Variants in BTBD9 observed in about 807,000 individuals in gnomAD.
BTBD9 encodes the protein BTB domain containing 9.
BTBD9 carries 49 observed loss-of-function variants against 64.3 expected under a neutral mutation model. The observed-to-expected ratio is 0.76, with a 90% CI of 0.61 to 0.97. BTBD9 has a LOEUF of 0.97. Ranked by LOEUF, BTBD9 falls within the 50% of genes least tolerant of loss-of-function variation. BTBD9 has a pLI of 0.00. For missense variants in BTBD9, 598 were observed against 762.1 expected, an observed-to-expected ratio of 0.78 and a Z score of 2.53; for synonymous variants, 260 against 274.7, an observed-to-expected ratio of 0.95 and a Z score of 0.53.
intron 6 of BTBD9, among the ~76,000 whole-genome samples, chr6:38,468,356 C>T (rs546806244): frequency 1.3e-5 from 2 of 152,292 alleles, no homozygotes; most frequent in Admixed American, 1.3e-4. Flanking sequence ...TCGCACACAC[C>T]TTATATTGCA....
At chr6:38,454,064 C>T (rs1415754883) in intron 6 of BTBD9, among the ~76,000 whole-genome samples, 1 of 152,150 alleles carries the variant, frequency 6.6e-6, no homozygotes, top group Non-Finnish European at 1.5e-5. Context: ...TGATTAATGA[C>T]TCTGATGTAC....
At chr6:38,464,972 G>C (rs1770278441) in intron 6 of BTBD9, among the ~76,000 whole-genome samples, 2 of 152,134 alleles carry the variant, frequency 1.3e-5, no homozygotes, top group Admixed American at 1.3e-4. Flanking sequence ...AGCCATCTGA[G>C]CCTGGTGTTT....
chr6:38,215,149 C>T (rs553235008), intron 9 of BTBD9, among the ~76,000 whole-genome samples: 112 of 152,262 alleles, frequency 7.4e-4, no homozygotes, highest in African/African-American at 2.6e-3. Flanking sequence ...TCAGATGGAT[C>T]AGCTATTAAT....
chr6:38,328,564 C>CGTGTGTGTGTGTGTGTGTGTGTGT lies in BTBD9; in HGVS notation c.1264+16396_1264+16419dup, dbSNP rs201357884. Among the ~76,000 whole-genome samples the CGTGTGTGTGTGTGTGTGTGTGTGT allele has an allele frequency of 9.8e-4, 128 of 130,496 alleles. 1 individual carries two copies. Among genetic ancestry groups the CGTGTGTGTGTGTGTGTGTGTGTGT allele is most frequent in the East Asian group, 3.9e-3 (15 of 3,798 alleles). 85.6% of individuals were successfully genotyped at this position (130,496 alleles called of 152,430 possible). A position where few individuals can be genotyped will look rare whatever the true frequency, so the allele number is the denominator to read the frequency against. On this transcript the variant is annotated intron_variant, in intron 7 of 10. Coordinates refer to ENST00000481247, the MANE Select transcript of BTBD9 (RefSeq NM_001099272.2). ...AATATATTTCGGCCATTTAAGCCAC[C>CGTGTGTGTGTGTGTGTGTGTGTGT]GTGTGTGTGTGTGTGTGTGTGTGTG...
At chr6:38,374,288 T>TATATATAC (rs1554143530) in intron 6 of BTBD9, among the ~76,000 whole-genome samples, 5 of 69,282 alleles carry the variant, frequency 7.2e-5, no homozygotes, top group Non-Finnish European at 1.2e-4. Flanking sequence ...AAAAAGTATA[T>TATATATAC]ATATATATGT....
At chr6:38,564,628 C>T (rs773730921) in intron 6 of BTBD9, among the ~76,000 whole-genome samples, 8 of 152,100 alleles carry the variant, frequency 5.3e-5, no homozygotes, top group Non-Finnish European at 1.0e-4. Flanking sequence ...GTGACTCACG[C>T]CTGTAATCCC....
chr6:38,636,188 C>A (rs1459702067), intron 1 of BTBD9, among the ~76,000 whole-genome samples: 1 of 152,160 alleles, frequency 6.6e-6, no homozygotes, highest in East Asian at 1.9e-4. Context: ...AAATAACTTG[C>A]CAAAGGTCAG....
At chr6:38,214,357 T>A (rs1270506303) in intron 9 of BTBD9, among the ~76,000 whole-genome samples, 2 of 152,274 alleles carry the variant, frequency 1.3e-5, no homozygotes, top group African/African-American at 4.8e-5. Context: ...TAGCAAGGAC[T>A]GACCTAGCCC....
rs1327954136 is a variant in BTBD9, at chr6:38,256,422, T to C, written c.1549A>G (p.Lys517Glu). The C allele has an allele frequency of 6.2e-7, 1 of 1,612,732 alleles. No homozygotes were observed. Among genetic ancestry groups the C allele is most frequent in the Non-Finnish European group, 8.5e-7 (1 of 1,178,746 alleles). Reference sequence around the variant, plus strand: ...GACACAACTTACTTGCAGGAGACTTTAGTTCTGTCAGCAACCATGGTCCAC... The same window carrying C: ...GACACAACTTACTTGCAGGAGACTTCAGTTCTGTCAGCAACCATGGTCCAC... ...QQWTMVADRT[K>E]VSCKSWQSVT... Residue 517 changes from lysine to glutamate, a missense_variant, in exon 9 of 11, where the codon AAA becomes GAA. Coordinates refer to ENST00000481247, the MANE Select transcript of BTBD9 (RefSeq NM_001099272.2).
At chr6:38,287,444 C>T (rs969967998) in intron 8 of BTBD9, among the ~76,000 whole-genome samples, 1 of 151,302 alleles carries the variant, frequency 6.6e-6, no homozygotes, top group Admixed American at 6.6e-5. Flanking sequence ...CGTGCCCAGG[C>T]ACCATTTTTT....
chr6:38,174,615 G>T lies in BTBD9; in HGVS notation c.*370C>A. 1 of 225,676 alleles carries T rather than the reference G, an allele frequency of 4.4e-6. No homozygotes were observed. The highest frequency in any genetic ancestry group is 8.6e-6 in the Non-Finnish European group (1 of 116,122). 14.0% of individuals were successfully genotyped at this position (225,676 alleles called of 1,614,324 possible). A position where few individuals can be genotyped will look rare whatever the true frequency, so the allele number is the denominator to read the frequency against. On this transcript the variant is annotated 3_prime_UTR_variant, in exon 11 of 11. Transcript: ENST00000481247. ...TGCCTCCAGGTAGCAAAGGCCCAATGGCTTTCTCCTCCGCCTGAGTGTTTG... is the reference window on the plus strand; with the variant it reads ...TGCCTCCAGGTAGCAAAGGCCCAATTGCTTTCTCCTCCGCCTGAGTGTTTG...
At chr6:38,565,236 CAG>C (rs1457330399) in intron 6 of BTBD9, among the ~76,000 whole-genome samples, 1 of 152,206 alleles carries the variant, frequency 6.6e-6, no homozygotes, top group East Asian at 1.9e-4. Context: ...TTTTCCTAAA[CAG>C]AGTTTCTCAA....
At chr6:38,444,340 C>T (rs1164668543) in intron 6 of BTBD9, among the ~76,000 whole-genome samples, 1 of 152,192 alleles carries the variant, frequency 6.6e-6, no homozygotes, top group Non-Finnish European at 1.5e-5. Context: ...TGTGAATTTA[C>T]TCCAGAATCA....
intron 4 of BTBD9, among the ~76,000 whole-genome samples, 197 bp downstream of exon 4, chr6:38,592,379 G>A (rs186571680): frequency 6.6e-6 from 1 of 152,084 alleles, no homozygotes; most frequent in East Asian, 1.9e-4. Context: ...CCTATTTGGG[G>A]GTCTACAAAA....
At position 38,256,493 on chromosome 6, in the gene BTBD9, T is replaced by G; in HGVS notation, c.1478A>C (p.Asp493Ala). The change falls in exon 9 of 11, where the codon GAT (aspartate) becomes GCT (alanine). Residue 493 changes from aspartate to alanine, a missense_variant. Coordinates refer to ENST00000481247, the MANE Select transcript of BTBD9 (RefSeq NM_001099272.2). ...CTCAACGTAGTAGCTATAGCTTCGATCATCACAATCCCAAAGTAGTAACCT... is the reference window on the plus strand; with the variant it reads ...CTCAACGTAGTAGCTATAGCTTCGAGCATCACAATCCCAAAGTAGTAACCT... ...SIRLLLWDCD[D>A]RSYSYYVEVS... 4.3e-6 allele frequency: 7 copies of G among 1,613,622 alleles called. No individual in the cohort carries two copies. Among genetic ancestry groups the G allele is most frequent in the Non-Finnish European group, 5.9e-6 (7 of 1,179,558 alleles).
chr6:38,395,602 G>A (rs890759895), intron 6 of BTBD9, among the ~76,000 whole-genome samples: 1 of 152,054 alleles, frequency 6.6e-6, no homozygotes, highest in Non-Finnish European at 1.5e-5. Flanking sequence ...CCAGTTAATA[G>A]TATTTGTTAG....
intron 6 of BTBD9, among the ~76,000 whole-genome samples, chr6:38,564,875 G>A (rs957714142): frequency 6.6e-6 from 1 of 151,992 alleles, no homozygotes; most frequent in African/African-American, 2.4e-5. Context: ...CTGGGCGACA[G>A]AGCAAGACTC....
rs1432237468 is a variant in BTBD9 at position 38,210,654 on chromosome 6, C to T, written c.1563-18057G>A. On this transcript the variant is annotated intron_variant, in intron 9 of 10. Transcript: ENST00000481247. Reference sequence around the variant, plus strand: ...CAATCAAATTAGTCTATGAAGCACCCTCTTGGTCTGGCATTTCTTTCTTAC... The same window carrying T: ...CAATCAAATTAGTCTATGAAGCACCTTCTTGGTCTGGCATTTCTTTCTTAC... Among the ~76,000 whole-genome samples the T allele has an allele frequency of 2.6e-5, 4 of 152,052 alleles. 1 individual carries two copies. Among genetic ancestry groups the T allele is most frequent in the Admixed American group, 2.6e-4 (4 of 15,264 alleles).
intron 9 of BTBD9, among the ~76,000 whole-genome samples, chr6:38,221,173 C>T (rs550973477): frequency 5.8e-4 from 88 of 152,272 alleles, no homozygotes; most frequent in African/African-American, 2.0e-3. Flanking sequence ...ATATTTATCT[C>T]GCCACTCTGT....
Sources: gnomAD v4.1 joint callset for allele counts (sites outside exome capture counted in the v4.1 genomes callset) on GRCh38, gnomAD v4.1.1 for gene constraint, MANE v1.5 for transcripts, NCBI Gene and HGNC (gene_info 2026-07-23, HGNC 2026-07-21) for gene names.